ITIH5: variants seen among roughly 807,000 people sequenced by gnomAD.
ITIH5 encodes inter-alpha-trypsin inhibitor heavy chain H5.
Under a neutral mutation model 77.5 loss-of-function variants are expected in ITIH5, and 65 were observed. The observed-to-expected ratio is 0.84, with a 90% confidence interval of 0.69 to 1.03. The LOEUF (loss-of-function observed/expected upper bound fraction) is 1.03, where lower values mean the gene tolerates loss of function less well. Ranked by LOEUF, ITIH5 falls within the 50% of genes least tolerant of loss-of-function variation. The pLI is 0.00. For synonymous variants in ITIH5, 525 were observed against 494.3 expected, an observed-to-expected ratio of 1.06 and a Z score of -0.82; for missense variants, 1,208 against 1,213.1, an observed-to-expected ratio of 1.00 and a Z score of 0.06.
chr10:7,585,315 T>C (rs1391506093), intron 8 of ITIH5, among the ~76,000 whole-genome samples: 1 of 152,172 alleles, frequency 6.6e-6, no homozygotes, highest in Non-Finnish European at 1.5e-5. Context: ...TCTCAGAATT[T>C]TTATGATCTT....
chr10:7,653,971 A>G (rs1436189534), intron 2 of ITIH5, among the ~76,000 whole-genome samples: 1 of 152,236 alleles, frequency 6.6e-6, no homozygotes, highest in Non-Finnish European at 1.5e-5. Context: ...CCTAGCCAAC[A>G]TGGTGAAACC....
At chr10:7,653,400 G>T (rs1358491698) in intron 2 of ITIH5, among the ~76,000 whole-genome samples, 1 of 152,046 alleles carries the variant, frequency 6.6e-6, no homozygotes, top group Non-Finnish European at 1.5e-5. Context: ...TAGAGATGGG[G>T]TTTCACCATG....
intron 5 of ITIH5, chr10:7,622,466 C>G (rs886404804): frequency 6.6e-6 from 1 of 152,050 alleles, no homozygotes; most frequent in African/African-American, 2.4e-5. Flanking sequence ...TACATACTAG[C>G]TCCATCCTCT....
chr10:7,623,030 A>C (rs1263036770), intron 5 of ITIH5, among the ~76,000 whole-genome samples: 1 of 152,236 alleles, frequency 6.6e-6, no homozygotes, highest in Non-Finnish European at 1.5e-5. Context: ...GCAAACATAC[A>C]ATCTTTTCCT....
chr10:7,644,617 T>TG (rs1833957368), intron 2 of ITIH5, among the ~76,000 whole-genome samples: 1 of 110,300 alleles, frequency 9.1e-6, no homozygotes, highest in Non-Finnish European at 1.8e-5. Context: ...ATATATCACA[T>TG]ATATATCACA....
intron 7 of ITIH5, among the ~76,000 whole-genome samples, chr10:7,608,844 G>A (rs978535948): frequency 2.0e-5 from 3 of 152,206 alleles, no homozygotes; most frequent in Non-Finnish European, 4.4e-5. Context: ...ATAATTCTAC[G>A]AATCAAAGCA....
chr10:7,569,361 C>A (rs187796150), intron 12 of ITIH5: 421 of 247,586 alleles, frequency 1.7e-3, no homozygotes, highest in African/African-American at 8.7e-3. Flanking sequence ...TAAAAAACAA[C>A]TTCATAACCA....
At chr10:7,564,472 T>C (rs1460324849) in intron 13 of ITIH5, among the ~76,000 whole-genome samples, 1 of 152,184 alleles carries the variant, frequency 6.6e-6, no homozygotes, top group Non-Finnish European at 1.5e-5. Context: ...TTTCTATGTC[T>C]AGATATGTTT....
intron 7 of ITIH5, among the ~76,000 whole-genome samples, chr10:7,613,303 A>G (rs1474306903): frequency 1.3e-5 from 2 of 152,114 alleles, no homozygotes; most frequent in African/African-American, 2.4e-5. Flanking sequence ...AGAACTTCAC[A>G]AGGTATTTGG....
chr10:7,592,739 T>G (rs1329846820), intron 7 of ITIH5, among the ~76,000 whole-genome samples: 1 of 152,078 alleles, frequency 6.6e-6, no homozygotes, highest in Non-Finnish European at 1.5e-5. Context: ...TGCTGGGCCC[T>G]TCTCACCCTG....
At chr10:7,631,849 A>G (rs560874659) in intron 5 of ITIH5, among the ~76,000 whole-genome samples, 3 of 151,650 alleles carry the variant, frequency 2.0e-5, no homozygotes, top group East Asian at 3.9e-4. Flanking sequence ...TGCAATGGCA[A>G]AATCTCAGCT....
chr10:7,614,808 T>C (rs540923055), intron 7 of ITIH5, among the ~76,000 whole-genome samples: 2 of 151,748 alleles, frequency 1.3e-5, no homozygotes, highest in South Asian at 2.1e-4. Context: ...TGAGAAAAAA[T>C]AGTTGCAACA....
intron 7 of ITIH5, among the ~76,000 whole-genome samples, chr10:7,602,230 A>G (rs1334046795): frequency 2.6e-5 from 4 of 151,998 alleles, no homozygotes; most frequent in Non-Finnish European, 5.9e-5. Flanking sequence ...TTCTTCAACT[A>G]CCACATCTGT....
At chr10:7,591,883 A>T (rs903466702) in intron 7 of ITIH5, among the ~76,000 whole-genome samples, 7 of 151,876 alleles carry the variant, frequency 4.6e-5, no homozygotes, top group African/African-American at 1.7e-4. Flanking sequence ...TTATTTATTT[A>T]TTTTTTGAGA....
intron 10 of ITIH5, 132 bp downstream of exon 10, chr10:7,576,321 G>A: frequency 1.2e-6 from 1 of 839,762 alleles, no homozygotes; most frequent in Non-Finnish European, 1.8e-6. Context: ...ACTATACCCG[G>A]TCTGGGTTAT....
intron 7 of ITIH5, chr10:7,600,396 CA>C (rs1282329533): frequency 5.3e-6 from 2 of 379,810 alleles, no homozygotes; most frequent in African/African-American, 4.2e-5. Context: ...AGCACATTCT[CA>C]AAGTGACCAC....
intron 7 of ITIH5, among the ~76,000 whole-genome samples, chr10:7,605,041 C>A (rs1000603555): frequency 3.9e-5 from 6 of 151,998 alleles, no homozygotes; most frequent in African/African-American, 1.5e-4. Context: ...AGGCTGGTCT[C>A]GAACTCCTGA....
intron 7 of ITIH5, among the ~76,000 whole-genome samples, chr10:7,595,532 A>C (rs988221820): frequency 6.6e-6 from 1 of 152,180 alleles, no homozygotes; most frequent in Non-Finnish European, 1.5e-5. Context: ...GTTTAATACT[A>C]TTTTATGGTG....
intron 1 of ITIH5, among the ~76,000 whole-genome samples, chr10:7,663,813 G>C (rs770274248): frequency 6.6e-6 from 1 of 152,074 alleles, no homozygotes; most frequent in Non-Finnish European, 1.5e-5. Flanking sequence ...CAGGCAGTCC[G>C]GCACCACATG....
Sources: allele counts gnomAD v4.1 joint callset (sites outside exome capture counted in the v4.1 genomes callset), GRCh38; gene constraint gnomAD v4.1.1; transcripts MANE v1.5; gene names NCBI Gene and HGNC (gene_info 2026-07-23, HGNC 2026-07-21).